The following SYCE1L variants were observed in gnomAD, a reference collection of about 807,000 sequenced individuals.
SYCE1L encodes the protein synaptonemal complex central element protein 1 like, also known as synaptonemal complex central element protein 1-like.
A neutral mutation model predicts 39.6 loss-of-function variants in SYCE1L; 51 were observed. The observed-to-expected ratio is 1.29, with a 90% confidence interval of 1.03 to 1.63. SYCE1L has a LOEUF of 1.63. Ranked by LOEUF, SYCE1L falls within the 40% of genes most tolerant of loss-of-function variation. SYCE1L has a pLI of 0.00. For synonymous variants in SYCE1L, 147 were observed against 122.4 expected (o/e 1.20, Z -1.33); for missense variants, 426 against 304.9 (o/e 1.40, Z -2.96).
chr16:77,206,195 G>C (rs80303013), intron 1 of SYCE1L, among the ~76,000 whole-genome samples: 4,070 of 152,294 alleles, frequency 0.027, 82 homozygotes, highest in Non-Finnish European at 0.043. Flanking sequence ...TTAAGGGGAT[G>C]TTTGTGGTGG....
chr16:77,208,965 A>G (rs995728312), intron 4 of SYCE1L, 132 bp from the exon 5 acceptor site: 2 of 935,870 alleles, frequency 2.1e-6, no homozygotes, highest in Middle Eastern at 2.9e-4. Context: ...GATGGTTGCA[A>G]GGGTGGCAAG....
chr16:77,208,651 T>C, intron 4 of SYCE1L, 112 bp downstream of exon 4: 10 of 1,073,046 alleles, frequency 9.3e-6, no homozygotes, highest in Non-Finnish European at 1.3e-5. Context: ...TCACATAATC[T>C]GTATTGCCTT....
Position 77,213,008 on chromosome 16 carries a change from C to T in SYCE1L, c.*77C>T, listed in dbSNP as rs2054837742. The T allele has an allele frequency of 7.3e-7, 1 of 1,364,526 alleles. No homozygotes were observed. Among genetic ancestry groups the T allele is most frequent in the Non-Finnish European group, 9.7e-7 (1 of 1,032,710 alleles). The allele number at this position is 1,364,526 out of a possible 1,614,324, so 84.5% of individuals were successfully genotyped here. A position where few individuals can be genotyped will look rare whatever the true frequency, so the allele number is the denominator to read the frequency against. On this transcript the variant is annotated 3_prime_UTR_variant, in exon 11 of 11. Transcript: ENST00000378644. ...AAAGGCGATGATTTCCGACCATGCT[C>T]GCGTTCTCCGCGGAGTCTGTGCTAC...
At position 77,212,343 on chromosome 16, in the gene SYCE1L, C is replaced by T. The variant is rs1353996385; in HGVS notation, c.555C>T (p.Val185=). 3 of 1,526,308 alleles carry T rather than the reference C, an allele frequency of 2.0e-6. No homozygotes were observed. The highest frequency in any genetic ancestry group is 2.6e-6 in the Non-Finnish European group (3 of 1,138,216). 94.5% of individuals were successfully genotyped at this position (1,526,308 alleles called of 1,614,324 possible). Residue 185 remains valine (V), a synonymous_variant, in exon 9 of 11, where the codon GTC becomes GTT. Coordinates refer to ENST00000378644, the MANE Select transcript of SYCE1L (RefSeq NM_001129979.3). ...GGCGGCTGCACTCGCCGCCTGAGGT[C>T]GAGGGCGCCATGGCGGTGAATGACG... ...VERRLHSPPE[V]EGAMAVNDGL... is the part of the protein sequence containing the mutation.
In SYCE1L at chr16:77,207,029, A is replaced by C. The variant is rs574770652; in HGVS notation, c.121+529A>C. On this transcript the variant is annotated intron_variant, in intron 2 of 10. Transcript: ENST00000378644. ...ACGTCAGTCTATTCCAAACAAAAGC[A>C]GCAGCCTCCCCGCTCCCATTCTGTG... is the stretch of plus-strand genomic sequence containing the variant. 3.0e-4 allele frequency among the ~76,000 whole-genome samples: 45 copies of C among 152,298 alleles called. 1 individual carries two copies. Among genetic ancestry groups the C allele is most frequent in the African/African-American group, 1.1e-3 (44 of 41,574 alleles).
At chr16:77,206,586 C>G in intron 2 of SYCE1L, 86 bp downstream of exon 2, 1 of 1,348,628 alleles carries the variant, frequency 7.4e-7, no homozygotes. Context: ...GAACTCACAA[C>G]CTCAGGAAAT....
At chr16:77,201,522 C>G (rs1250466248) in intron 1 of SYCE1L, 2 of 152,182 alleles carry the variant, frequency 1.3e-5, no homozygotes, top group Admixed American at 1.3e-4. Context: ...AGAGCTGACT[C>G]AAAGTAAAGG....
chr16:77,212,897 C>T lies in SYCE1L; in HGVS notation c.695C>T (p.Pro232Leu), dbSNP rs1360963642. The T allele has an allele frequency of 6.5e-7, 1 of 1,528,366 alleles. No individual in the cohort carries two copies. Among genetic ancestry groups the T allele is most frequent in the Non-Finnish European group, 8.8e-7 (1 of 1,139,708 alleles). 94.7% of individuals were successfully genotyped at this position (1,528,366 alleles called of 1,614,324 possible). Residue 232 changes from proline (P) to leucine (L), a missense_variant, in exon 11 of 11, where the codon CCC (proline) becomes CTC (leucine). Coordinates refer to ENST00000378644, the MANE Select transcript of SYCE1L (RefSeq NM_001129979.3). ...ELPRARDEED[P>L]EPPVAAPDAL ...CCCCGCGCTCGCGACGAGGAGGATC[C>T]CGAGCCGCCGGTGGCTGCCCCTGAC... is the stretch of plus-strand genomic sequence containing the variant.
At chr16:77,199,799 G>A (rs914977692) in intron 1 of SYCE1L, 4 of 301,830 alleles carry the variant, frequency 1.3e-5, no homozygotes, top group African/African-American at 2.2e-5. Context: ...AAAGTGGGGC[G>A]GTGGGGATGT....
At chr16:77,211,374 G>A (rs1355630609) in intron 7 of SYCE1L, 98 bp downstream of exon 7, 10 of 1,379,300 alleles carry the variant, frequency 7.3e-6, no homozygotes, top group South Asian at 3.7e-5. Context: ...GCTCAATGCC[G>A]CGGGATAGTC....
intron 1 of SYCE1L, among the ~76,000 whole-genome samples, chr16:77,203,968 A>G (rs140515697): frequency 0.016 from 2,454 of 152,248 alleles, 31 homozygotes; most frequent in Middle Eastern, 0.024. Flanking sequence ...TCCTTAAGAC[A>G]CATTCCTAGG....
intron 7 of SYCE1L, 82 bp downstream of exon 7, chr16:77,211,358 G>A (rs2142520592): frequency 6.7e-7 from 1 of 1,490,920 alleles, no homozygotes; most frequent in Non-Finnish European, 9.2e-7. Context: ...GTCCACCCCT[G>A]CCCAGGCTCA....
intron 1 of SYCE1L, chr16:77,201,959 A>G (rs1262579514): frequency 1.3e-5 from 2 of 152,342 alleles, no homozygotes; most frequent in East Asian, 1.9e-4. Context: ...CAGAAAAAGT[A>G]TCTGAATGAT....
chr16:77,210,803 T>C (rs532168159), intron 6 of SYCE1L, among the ~76,000 whole-genome samples: 77 of 152,302 alleles, frequency 5.1e-4, no homozygotes, highest in Non-Finnish European at 9.3e-4. Context: ...GAAAGGTGAA[T>C]GCTGTGAACA....
chr16:77,201,724 G>A (rs2142510656), intron 1 of SYCE1L: 1 of 152,276 alleles, frequency 6.6e-6, no homozygotes, highest in East Asian at 1.9e-4. Flanking sequence ...TGTGCATGCT[G>A]TGGAGTGTCT....
chr16:77,208,502 C>T lies in SYCE1L; in HGVS notation c.219C>T (p.His73=). 1.3e-6 allele frequency: 2 copies of T among 1,551,736 alleles called. No individual in the cohort carries two copies. Among genetic ancestry groups the T allele is most frequent in the South Asian group, 1.2e-5 (1 of 84,066 alleles). ...KKSSEELRET[H]SLWEALHREL... The stretch of plus-strand genomic sequence containing the variant: ...CCAGTGAGGAACTGAGAGAGACCCA[C>T]AGTCTCTGGGAGGCCCTGCATAGGG... Residue 73 remains histidine (H), a synonymous_variant, in exon 4 of 11, where the codon CAC becomes CAT. Coordinates refer to ENST00000378644, the MANE Select transcript of SYCE1L (RefSeq NM_001129979.3).
At chr16:77,208,417 A>G (rs1421868537) in intron 3 of SYCE1L, 48 bp from the exon 4 acceptor site, 2 of 1,550,216 alleles carry the variant, frequency 1.3e-6, no homozygotes, top group Middle Eastern at 1.7e-4. Flanking sequence ...GAGAACAGCA[A>G]GGCTAGAGAC....
At chr16:77,212,826 C>G (rs2054835323) in intron 10 of SYCE1L, 31 bp from the exon 11 acceptor site, 3 of 1,457,262 alleles carry the variant, frequency 2.1e-6, no homozygotes, top group African/African-American at 1.4e-5. Flanking sequence ...GCGTAGGAAC[C>G]TGGTCCGCAG....
rs890270594 is a variant in SYCE1L, at chr16:77,207,612, A to T, written c.122-598A>T. 2.0e-5 allele frequency among the ~76,000 whole-genome samples: 3 copies of T among 152,268 alleles called. No individual in the cohort carries two copies. The East Asian group carries it at 5.8e-4, about 29-fold the overall frequency. On this transcript the variant is annotated intron_variant, in intron 2 of 10. Transcript: ENST00000378644. ...AGGGCGGGGCAGATGGGACGTCTCC[A>T]TTGGCTCACACCACACTCAGAGTTA... is the stretch of plus-strand genomic sequence containing the variant.
Sources: gnomAD v4.1 joint callset for allele counts (sites outside exome capture counted in the v4.1 genomes callset) on GRCh38, gnomAD v4.1.1 for gene constraint, MANE v1.5 for transcripts, NCBI Gene and HGNC (gene_info 2026-07-23, HGNC 2026-07-21) for gene names.